The following SMIM35 variants were observed in gnomAD, a reference collection of about 807,000 sequenced individuals.
SMIM35 encodes the protein TMPRSS4 antisense RNA 1 (non-protein coding).
intron 1 of SMIM35, among the ~76,000 whole-genome samples, chr11:118,083,354 G>A (rs1020698303): frequency 2.0e-5 from 3 of 152,060 alleles, no homozygotes; most frequent in Admixed American, 1.3e-4. Context: ...CCTCTCTTCC[G>A]AGAGAGTTCA....
intron 1 of SMIM35, among the ~76,000 whole-genome samples, chr11:118,052,381 G>A (rs1156870185): frequency 6.6e-6 from 1 of 152,188 alleles, no homozygotes; most frequent in Non-Finnish European, 1.5e-5. Context: ...GGGCCCTGCA[G>A]GGAAGCAGGG....
intron 4 of SMIM35, among the ~76,000 whole-genome samples, chr11:118,006,740 T>A (rs2058123741): frequency 6.6e-6 from 1 of 152,200 alleles, no homozygotes; most frequent in African/African-American, 2.4e-5. Context: ...GCAGCCTGTA[T>A]ATATCTATTA....
At chr11:118,070,466 C>T (rs1319923083) in intron 1 of SMIM35, among the ~76,000 whole-genome samples, 6 of 150,678 alleles carry the variant, frequency 4.0e-5, no homozygotes, top group Admixed American at 1.3e-4. Context: ...CGTGAGCCAC[C>T]GTGCCCAGCC....
chr11:118,037,508 C>T (rs556159125), intron 1 of SMIM35, among the ~76,000 whole-genome samples: 1 of 152,154 alleles, frequency 6.6e-6, no homozygotes, highest in Non-Finnish European at 1.5e-5. Context: ...TATGCGATCT[C>T]GAATTTTTTT....
At chr11:118,045,402 T>C (rs944819361) in intron 1 of SMIM35, among the ~76,000 whole-genome samples, 2 of 151,594 alleles carry the variant, frequency 1.3e-5, no homozygotes, top group South Asian at 2.1e-4. Flanking sequence ...CGGTTCTCCC[T>C]ATGATTAAGG....
At chr11:118,068,493 CGTT>C (rs1286730860) in intron 1 of SMIM35, among the ~76,000 whole-genome samples, 1 of 152,156 alleles carries the variant, frequency 6.6e-6, no homozygotes, top group Non-Finnish European at 1.5e-5. Flanking sequence ...CGCTCGTAAA[CGTT>C]GGATGAAGGA....
chr11:118,049,538 G>A (rs187899822), intron 1 of SMIM35, among the ~76,000 whole-genome samples: 187 of 151,620 alleles, frequency 1.2e-3, no homozygotes, highest in African/African-American at 3.9e-3. Flanking sequence ...TAGTAGAGAC[G>A]GGGTTTTGCC....
chr11:118,069,441 C>T (rs1345226710), intron 1 of SMIM35, among the ~76,000 whole-genome samples: 1 of 152,144 alleles, frequency 6.6e-6, no homozygotes, highest in East Asian at 1.9e-4. Context: ...TCCTCTGTGG[C>T]AGGAGTTATG....
chr11:118,071,091 A>G (rs1479060127), intron 1 of SMIM35, among the ~76,000 whole-genome samples: 1 of 152,212 alleles, frequency 6.6e-6, no homozygotes, highest in Non-Finnish European at 1.5e-5. Flanking sequence ...AGCGCACATT[A>G]TATGGTAGCT....
intron 1 of SMIM35, among the ~76,000 whole-genome samples, chr11:118,029,479 T>A (rs999982235): frequency 2.0e-5 from 3 of 152,186 alleles, no homozygotes; most frequent in African/African-American, 7.2e-5. Flanking sequence ...GATGTTACAA[T>A]GAGGACTCTG....
chr11:118,037,803 T>C (rs1943929964), intron 1 of SMIM35, among the ~76,000 whole-genome samples: 1 of 152,218 alleles, frequency 6.6e-6, no homozygotes. Flanking sequence ...CCTGCTCCAA[T>C]AACAAAAGGA....
At chr11:118,066,982 G>A (rs1490978257) in intron 1 of SMIM35, among the ~76,000 whole-genome samples, 1 of 152,006 alleles carries the variant, frequency 6.6e-6, no homozygotes, top group Non-Finnish European at 1.5e-5. Flanking sequence ...CCATTTGCTT[G>A]TGCTTGCCTG....
At chr11:118,033,242 C>T (rs1806959277) in intron 1 of SMIM35, among the ~76,000 whole-genome samples, 1 of 152,196 alleles carries the variant, frequency 6.6e-6, no homozygotes, top group South Asian at 2.1e-4. Context: ...CATAGACAGA[C>T]TTCAAAACAG....
chr11:118,024,938 T>C (rs2058262152), intron 1 of SMIM35, among the ~76,000 whole-genome samples: 1 of 151,300 alleles, frequency 6.6e-6, no homozygotes, highest in South Asian at 2.1e-4. Flanking sequence ...CTCTCCCCGA[T>C]CTAGTGGTCC....
chr11:118,041,934 C>T (rs1591293024), intron 1 of SMIM35, among the ~76,000 whole-genome samples: 2 of 151,614 alleles, frequency 1.3e-5, no homozygotes, highest in East Asian at 3.9e-4. Flanking sequence ...GCCTGTAATC[C>T]TAGCTACTCG....
At chr11:118,031,291 C>T (rs2058317526) in intron 1 of SMIM35, among the ~76,000 whole-genome samples, 1 of 152,194 alleles carries the variant, frequency 6.6e-6, no homozygotes, top group African/African-American at 2.4e-5. Flanking sequence ...CCAATATCAA[C>T]AGACACATCT....
chr11:118,077,791 C>G (rs769548291), intron 1 of SMIM35, among the ~76,000 whole-genome samples: 1 of 152,012 alleles, frequency 6.6e-6, no homozygotes, highest in African/African-American at 2.4e-5. Flanking sequence ...GCAGACAGAT[C>G]TCTCGAGGTC....
chr11:118,076,718 T>C (rs619585), intron 1 of SMIM35, among the ~76,000 whole-genome samples: 125,947 of 152,036 alleles, frequency 0.83, 52,384 homozygotes, highest in East Asian at 0.96. Flanking sequence ...GGCAATGATC[T>C]CTTTGTACTG....
rs1204148027 is a variant in SMIM35 at position 118,015,751 on chromosome 11, G to A, written c.66C>T (p.Leu22=). Residue 22 remains leucine, a synonymous_variant, in exon 2 of 5, where the codon CTC becomes CTT. Transcript: ENST00000689828. ...LILGVGLLLL[L]VSILGYSLAK... Reference sequence around the variant, plus strand: ...CCAGGCTGTAGCCGAGGATGGACACGAGCAGCAGCAAGAGCCCCACGCCAA... The same window carrying A: ...CCAGGCTGTAGCCGAGGATGGACACAAGCAGCAGCAAGAGCCCCACGCCAA... The A allele has an allele frequency of 7.5e-6, 3 of 399,492 alleles. No individual in the cohort carries two copies. The highest frequency in any genetic ancestry group is 4.4e-5 in the Admixed American group (1 of 22,718). The allele number at this position is 399,492 out of a possible 1,614,324, so 24.7% of individuals were successfully genotyped here.
Sources: allele counts gnomAD v4.1 joint callset (sites outside exome capture counted in the v4.1 genomes callset), GRCh38; gene constraint gnomAD v4.1.1; transcripts MANE v1.5; gene names NCBI Gene and HGNC (gene_info 2026-07-23, HGNC 2026-07-21).